Variants in EYS observed in about 807,000 individuals in gnomAD.
EYS encodes the protein protein eyes shut homolog.
EYS carries 250 observed loss-of-function variants against 282.1 expected under a neutral mutation model. The observed-to-expected ratio is 0.89, with a 90% CI of 0.80 to 0.98. The LOEUF is 0.98. Among genes scored for constraint, EYS ranks in the 50% least tolerant of loss-of-function variants. The pLI is 0.00. For synonymous variants in EYS, 1,355 were observed against 1,282.9 expected (o/e 1.06, Z -1.20); for missense variants, 4,016 against 3,709.0 (o/e 1.08, Z -2.15).
At chr6:64,119,891 AATCAGT>A (rs1773518416) in intron 31 of EYS, among the ~76,000 whole-genome samples, 1 of 152,178 alleles carries the variant, frequency 6.6e-6, no homozygotes, top group Non-Finnish European at 1.5e-5. Context: ...ATCCTTAAAA[AATCAGT>A]TCTTTTTCCA....
At chr6:65,687,245 T>A (rs537227440) in intron 1 of EYS, among the ~76,000 whole-genome samples, 5 of 151,878 alleles carry the variant, frequency 3.3e-5, no homozygotes, top group African/African-American at 1.2e-4. Flanking sequence ...ATTTGAAAAA[T>A]TACATACTAA....
intron 13 of EYS, among the ~76,000 whole-genome samples, chr6:65,048,706 CT>C (rs1773178824): frequency 6.6e-6 from 1 of 151,856 alleles, no homozygotes; most frequent in South Asian, 2.1e-4. Flanking sequence ...CTCTCCTGAT[CT>C]CCCTCTTCAT....
intron 22 of EYS, among the ~76,000 whole-genome samples, chr6:64,714,898 C>A (rs1412914807): frequency 6.6e-6 from 1 of 152,044 alleles, no homozygotes; most frequent in East Asian, 1.9e-4. Context: ...GCTAGGAGAA[C>A]AAAATTAGAT....
At chr6:64,634,407 C>G (rs939481974) in intron 22 of EYS, among the ~76,000 whole-genome samples, 14 of 152,296 alleles carry the variant, frequency 9.2e-5, no homozygotes, top group African/African-American at 3.1e-4. Flanking sequence ...TACCTCAGAA[C>G]CACTGATGAA....
chr6:63,748,664 G>T (rs1362162593), intron 41 of EYS, among the ~76,000 whole-genome samples: 1 of 151,886 alleles, frequency 6.6e-6, no homozygotes, highest in Non-Finnish European at 1.5e-5. Flanking sequence ...TAATTTTGGA[G>T]CTCATTATTG....
intron 2 of EYS, among the ~76,000 whole-genome samples, chr6:65,530,395 G>A (rs936019559): frequency 4.6e-5 from 7 of 152,090 alleles, no homozygotes; most frequent in Non-Finnish European, 7.4e-5. Context: ...TTTTCAAAAT[G>A]CAGTAATGCA....
In EYS at chr6:64,436,161, A is replaced by T; in HGVS notation, c.5927+13T>A. ...CTTAATGAGATTAACTGGAAAAGAAATAATTATCTTACCTGATAAGCAGTG... is the reference window on the plus strand; with the variant it reads ...CTTAATGAGATTAACTGGAAAAGAATTAATTATCTTACCTGATAAGCAGTG... On this transcript the variant is annotated intron_variant, in intron 28 of 42. Transcript: ENST00000503581. The T allele has an allele frequency of 7.0e-7, 1 of 1,432,334 alleles. No homozygotes were observed. Among genetic ancestry groups the T allele is most frequent in the Non-Finnish European group, 9.5e-7 (1 of 1,056,034 alleles). The allele number at this position is 1,432,334 out of a possible 1,614,324, so 88.7% of individuals were successfully genotyped here.
At chr6:64,889,714 C>T (rs770291216) in intron 18 of EYS, among the ~76,000 whole-genome samples, 2 of 152,002 alleles carry the variant, frequency 1.3e-5, no homozygotes, top group East Asian at 1.9e-4. Context: ...TTCCTATGCC[C>T]GTCTTTACTT....
chr6:65,501,929 G>C (rs1363400398), intron 2 of EYS, among the ~76,000 whole-genome samples: 3 of 151,566 alleles, frequency 2.0e-5, no homozygotes. Flanking sequence ...TTAAAAAACA[G>C]AGCTGGTTTT....
At position 63,999,099 on chromosome 6, in the gene EYS, G is replaced by T; in HGVS notation, c.6810C>A (p.Asp2270Glu). Residue 2270 changes from aspartate (D) to glutamate (E), a missense_variant, in exon 34 of 43, where the codon GAC becomes GAA. Asp to Glu is a conservative substitution (Grantham distance 45, BLOSUM62 2). Coordinates refer to ENST00000503581, the MANE Select transcript of EYS (RefSeq NM_001142800.2). The stretch of plus-strand genomic sequence containing the variant: ...CCTGAGAGGCATGGGAAATCTCTGT[G>T]TCTTTCTTCTGTACTGGAGGTTTTC... ...ADGKPPVQKK[D>E]TEISHASQAY... The T allele has an allele frequency of 1.3e-6, 2 of 1,551,208 alleles. No homozygotes were observed. Among genetic ancestry groups the T allele is most frequent in the South Asian group, 2.4e-5 (2 of 84,040 alleles).
chr6:64,597,379 G>A (rs1233184030), intron 24 of EYS, among the ~76,000 whole-genome samples: 1 of 152,038 alleles, frequency 6.6e-6, no homozygotes, highest in East Asian at 1.9e-4. Context: ...ACAGCCAAAG[G>A]AAAATAAATC....
At position 65,080,802 on chromosome 6, in the gene EYS, T is replaced by G. The variant is rs186619519; in HGVS notation, c.2024-23075A>C. Among the ~76,000 whole-genome samples, 223 of 152,308 alleles carry G rather than the reference T, an allele frequency of 1.5e-3. 2 individuals carry two copies. Among genetic ancestry groups the G allele is most frequent in the African/African-American group, 5.1e-3 (214 of 41,588 alleles). ...TTGGCTAGAAACACAATGTGCTATT[T>G]CAAAACAATGATATTTTCTAATATT... On this transcript the variant is annotated intron_variant, in intron 12 of 42. Transcript: ENST00000503581.
At chr6:64,504,057 CAA>C (rs1777134922) in intron 26 of EYS, among the ~76,000 whole-genome samples, 1 of 152,142 alleles carries the variant, frequency 6.6e-6, no homozygotes, top group Non-Finnish European at 1.5e-5. Flanking sequence ...ATCTGTGAGT[CAA>C]CTAAACCTAT....
intron 35 of EYS, among the ~76,000 whole-genome samples, chr6:63,952,682 C>T (rs1233808628): frequency 1.3e-5 from 2 of 152,174 alleles, no homozygotes; most frequent in African/African-American, 4.8e-5. Flanking sequence ...CTGACTATTC[C>T]TAGGCTACAG....
chr6:65,009,384 C>T (rs116025474), intron 13 of EYS, among the ~76,000 whole-genome samples: 1,848 of 152,206 alleles, frequency 0.012, 25 homozygotes, highest in Non-Finnish European at 0.02. Flanking sequence ...ATCAATGATG[C>T]CATTGTCCCT....
At chr6:65,314,700 A>T (rs1769254559) in intron 11 of EYS, among the ~76,000 whole-genome samples, 2 of 151,552 alleles carry the variant, frequency 1.3e-5, no homozygotes, top group South Asian at 4.2e-4. Context: ...AACTCCAAGA[A>T]CATCATTTAT....
intron 33 of EYS, among the ~76,000 whole-genome samples, chr6:64,013,238 A>G (rs1455544785): frequency 1.3e-5 from 2 of 152,150 alleles, no homozygotes; most frequent in Non-Finnish European, 2.9e-5. Flanking sequence ...AGATTTTCCA[A>G]GAACTGTGAT....
intron 41 of EYS, among the ~76,000 whole-genome samples, chr6:63,753,158 A>ATATATATG (rs1490749817): frequency 2.9e-5 from 4 of 136,538 alleles, no homozygotes; most frequent in African/African-American, 1.1e-4. Context: ...ATATATATAT[A>ATATATATG]TATATATATG....
chr6:63,764,387 G>C (rs773937079), intron 40 of EYS, among the ~76,000 whole-genome samples: 3 of 151,902 alleles, frequency 2.0e-5, no homozygotes, highest in Admixed American at 6.6e-5. Context: ...ATCACAAAGA[G>C]TATAGAATGT....
Sources: gnomAD v4.1 joint callset for allele counts (sites outside exome capture counted in the v4.1 genomes callset) on GRCh38, gnomAD v4.1.1 for gene constraint, MANE v1.5 for transcripts, NCBI Gene and HGNC (gene_info 2026-07-23, HGNC 2026-07-21) for gene names.